The following MATK variants were observed in gnomAD, a reference collection of about 807,000 sequenced individuals.
MATK encodes the protein megakaryocyte-associated tyrosine-protein kinase.
Under a neutral mutation model 59.8 loss-of-function variants are expected in MATK, and 41 were observed. The ratio of observed to expected loss-of-function variants is 0.69; its 90% CI spans 0.53 to 0.89. The LOEUF (loss-of-function observed/expected upper bound fraction) is 0.89. MATK is among the 40% of genes least tolerant of loss of function. MATK has a pLI of 0.00. For missense variants in MATK, 593 were observed against 719.6 expected, an observed-to-expected ratio of 0.82 and a Z score of 2.01; for synonymous variants, 308 against 306.1, an observed-to-expected ratio of 1.01 and a Z score of -0.06.
chr19:3,786,527 A>ACCCCC (rs3833281), upstream of MATK: 57 of 344,602 alleles, frequency 1.7e-4, no homozygotes, highest in South Asian at 3.6e-4. The surrounding 1 kb of genome is among the most constrained non-coding windows in gnomAD (Gnocchi z 4.1). Flanking sequence ...TCGGGCGTGC[A>ACCCCC]CCCCCCACCC....
chr19:3,795,532 T>C (rs1012007807), intron 1 of MATK, among the ~76,000 whole-genome samples: 1 of 151,968 alleles, frequency 6.6e-6, no homozygotes, highest in Admixed American at 6.6e-5. Context: ...CCTCCCAAAG[T>C]GCTGGGATTA....
chr19:3,793,578 T>C (rs1269439517), intron 1 of MATK, among the ~76,000 whole-genome samples: 1 of 152,114 alleles, frequency 6.6e-6, no homozygotes, highest in African/African-American at 2.4e-5. Context: ...GGCGGGTGCC[T>C]GTAGTCCCAG....
chr19:3,784,404 G>A lies in MATK; in HGVS notation c.180C>T (p.Thr60=). The stretch of plus-strand genomic sequence containing the variant: ...AGGCCAGCTCCCCTGGCTTGGGGCG[G>A]GTGTGCTCGCATTTGGTGATACACT... The part of the protein sequence containing the change: ...GTQCITKCEH[T]RPKPGELAFR... Residue 60 remains threonine (T), a synonymous_variant, in exon 4 of 14, where the codon ACC becomes ACT. Coordinates refer to ENST00000310132, the MANE Select transcript of MATK (RefSeq NM_139355.3). 6.2e-7 allele frequency: 1 copy of A among 1,605,310 alleles called. No individual in the cohort carries two copies. The highest frequency in any genetic ancestry group is 1.1e-5 in the South Asian group (1 of 90,460).
chr19:3,781,145 A>G (rs2037395687), intron 8 of MATK, among the ~76,000 whole-genome samples: 1 of 152,186 alleles, frequency 6.6e-6, no homozygotes, highest in South Asian at 2.1e-4. Flanking sequence ...GGCCACGCCC[A>G]TATGTTTACA....
chr19:3,779,553 C>A lies in MATK; in HGVS notation c.907G>T (p.Val303Phe). Residue 303 changes from valine (V) to phenylalanine (F), a missense_variant, in exon 10 of 14, where the codon GTC becomes TTC. Transcript: ENST00000310132. ...CCCACCTTGCTCACGTGCTCCATGA[C>A]AATGTACAGCCCCTGGTGCAGGATC... Reference protein sequence around the residue: ...GVILHQGLYIVMEHVSKGNLV... With the variant: ...GVILHQGLYIFMEHVSKGNLV... 1 of 1,611,826 alleles carries A rather than the reference C, an allele frequency of 6.2e-7. No homozygotes were observed.
At chr19:3,781,822 A>G in intron 7 of MATK, 150 bp from the exon 8 acceptor site, 1 of 665,824 alleles carries the variant, frequency 1.5e-6, no homozygotes, top group Non-Finnish European at 2.7e-6. Context: ...CAATGCCCCT[A>G]GGACATATCA....
At chr19:3,786,554 T>A (rs1352901433), upstream of MATK, 2 of 245,814 alleles carry the variant, frequency 8.1e-6, no homozygotes, top group African/African-American at 3.0e-5. This position sits in a 1 kb window ranked among gnomAD's most constrained non-coding sequence, Gnocchi z 4.1. Context: ...GGAAGCGGGG[T>A]TCTTGGAGCG....
In MATK at chr19:3,784,897, CA is replaced by C; in HGVS notation, c.73-14del. On this transcript the variant is annotated splice_polypyrimidine_tract_variant and intron_variant, in intron 2 of 13. Coordinates refer to ENST00000310132, the MANE Select transcript of MATK (RefSeq NM_139355.3). ...AGCGGGGGCTCACCTGGGGAGGGGA[CA>C]GAGTCCAGGTGGGAGCTGGGCTGGG... The C allele has an allele frequency of 4.6e-6, 7 of 1,515,454 alleles. No individual in the cohort carries two copies. The highest frequency in any genetic ancestry group is 5.4e-6 in the Non-Finnish European group (6 of 1,113,804). The allele number at this position is 1,515,454 out of a possible 1,614,324, so 93.9% of individuals were successfully genotyped here.
Position 3,778,431 on chromosome 19 carries a change from A to T in MATK, c.1285-9T>A, listed in dbSNP as rs539839685. 6.2e-7 allele frequency: 1 copy of T among 1,613,356 alleles called. No homozygotes were observed. The highest frequency in any genetic ancestry group is 8.5e-7 in the Non-Finnish European group (1 of 1,179,948). On this transcript the variant is annotated splice_polypyrimidine_tract_variant and intron_variant, in intron 13 of 13. Coordinates refer to ENST00000310132, the MANE Select transcript of MATK (RefSeq NM_139355.3). ...GACACCTCTTTCAGTGACTGCGGAC[A>T]GCAGGCGTGGGCAGGGGTCAGGGCC...
chr19:3,794,975 C>CTTTTTTT (rs532158792), intron 1 of MATK, among the ~76,000 whole-genome samples: 21 of 107,884 alleles, frequency 1.9e-4, no homozygotes, highest in East Asian at 2.9e-4. Flanking sequence ...TTTTCTTTTG[C>CTTTTTTT]TTTTTTTTTT....
At chr19:3,779,222 C>G (rs1568404456) in intron 11 of MATK, 35 bp from the exon 12 acceptor site, 3 of 1,551,060 alleles carry the variant, frequency 1.9e-6, no homozygotes, top group Non-Finnish European at 2.6e-6. Flanking sequence ...GGCTCAGGTG[C>G]CAGGATGCCC....
chr19:3,782,197 CCAG>C (rs2037411960), intron 7 of MATK, among the ~76,000 whole-genome samples: 1 of 152,202 alleles, frequency 6.6e-6, no homozygotes, highest in South Asian at 2.1e-4. Flanking sequence ...CCAGAATATT[CCAG>C]GGCTCTAGCC....
At chr19:3,798,873 A>G (rs138886933) in intron 1 of MATK, among the ~76,000 whole-genome samples, 2 of 147,652 alleles carry the variant, frequency 1.4e-5, no homozygotes, top group East Asian at 2.1e-4. Context: ...TGGCGTGATC[A>G]TAGGTCACTG....
At chr19:3,779,647 G>C (rs768284058) in intron 9 of MATK, 30 bp from the exon 10 acceptor site, 3 of 1,610,626 alleles carry the variant, frequency 1.9e-6, no homozygotes. Context: ...CGTGAGGGCA[G>C]GGCTGGGACC....
At chr19:3,784,688 G>T in intron 3 of MATK, 137 bp downstream of exon 3, 2 of 732,862 alleles carry the variant, frequency 2.7e-6, no homozygotes, top group South Asian at 3.0e-5. Context: ...AAGCCAAGAT[G>T]ACTGAGAAAG....
At chr19:3,780,908 T>G (rs1055689906) in intron 8 of MATK, among the ~76,000 whole-genome samples, 1 of 151,158 alleles carries the variant, frequency 6.6e-6, no homozygotes, top group African/African-American at 2.4e-5. Flanking sequence ...GCTTTTTTTT[T>G]GTACAGATGG....
chr19:3,779,676 C>T, intron 9 of MATK, 22 bp downstream of exon 9: 2 of 1,612,156 alleles, frequency 1.2e-6, no homozygotes, highest in Non-Finnish European at 8.5e-7. Context: ...CCCACGGTCC[C>T]CAGCCCCACC....
Position 3,783,849 on chromosome 19 carries a change from C to A in MATK, c.547G>T (p.Ala183Ser). 3 of 1,612,974 alleles carry A rather than the reference C, an allele frequency of 1.9e-6. No individual in the cohort carries two copies. The highest frequency in any genetic ancestry group is 1.3e-5 in the African/African-American group (1 of 75,026). Reference sequence around the variant, plus strand: ...TCCATGAGGTTGCAGAAGAACACGGCCTCATCGATTGTGAGGTGGCCGTCG... The same window carrying A: ...TCCATGAGGTTGCAGAAGAACACGGACTCATCGATTGTGAGGTGGCCGTCG... ...HRDGHLTIDE[A>S]VFFCNLMDMV... The change falls in exon 6 of 14, where the codon GCC becomes TCC. Residue 183 changes from alanine (A) to serine (S), a missense_variant. Physicochemically the swap from Ala to Ser is moderately conservative, Grantham distance 99. Coordinates refer to ENST00000310132, the MANE Select transcript of MATK (RefSeq NM_139355.3).
In MATK at chr19:3,785,267, A is replaced by C; in HGVS notation, c.-132T>G. The C allele has an allele frequency of 6.5e-7, 1 of 1,527,994 alleles. No homozygotes were observed. Among genetic ancestry groups the C allele is most frequent in the Non-Finnish European group, 8.8e-7 (1 of 1,140,740 alleles). The allele number at this position is 1,527,994 out of a possible 1,614,324, so 94.7% of individuals were successfully genotyped here. ...TAGGGAGCTGGGTGCCACTGGACCG[A>C]GCCTGGTTCTTCCTGTTTTCTGGTT... On this transcript the variant is annotated 5_prime_UTR_variant, in exon 2 of 14. Transcript: ENST00000310132.
Sources: gnomAD v4.1 joint callset for allele counts (sites outside exome capture counted in the v4.1 genomes callset) on GRCh38, gnomAD v4.1.1 for gene constraint, Gnocchi (gnomAD v3.1) non-coding constraint, MANE v1.5 for transcripts, NCBI Gene and HGNC (gene_info 2026-07-23, HGNC 2026-07-21) for gene names.